TMEM132D: variants seen among roughly 807,000 people sequenced by gnomAD.
The protein encoded by TMEM132D is mature OL transmembrane protein.
TMEM132D carries 21 observed loss-of-function variants against 62.3 expected under a neutral mutation model. The ratio of observed to expected loss-of-function variants is 0.34; its 90% CI spans 0.24 to 0.49. The LOEUF is 0.49. Among genes scored for constraint, TMEM132D ranks in the 20% least tolerant of loss-of-function variants. TMEM132D has a pLI of 0.99. For missense variants in TMEM132D, 1,346 were observed against 1,402.8 expected (o/e 0.96, Z 0.65); for synonymous variants, 621 against 575.6 (o/e 1.08, Z -1.13).
At chr12:129,285,526 C>CAAACAAAAAAAAAA (rs1881268886) in intron 4 of TMEM132D, among the ~76,000 whole-genome samples, 1 of 40,932 alleles carries the variant, frequency 2.4e-5, no homozygotes, top group African/African-American at 7.6e-5. Flanking sequence ...GACTGTGTCT[C>CAAACAAAAAAAAAA]AAAAAAAAAA....
intron 3 of TMEM132D, among the ~76,000 whole-genome samples, chr12:129,483,375 A>C (rs901808493): frequency 1.3e-5 from 2 of 152,182 alleles, no homozygotes; most frequent in Admixed American, 1.3e-4. Flanking sequence ...ACACCTTGCA[A>C]TTTGAAAAAC....
chr12:129,113,954 C>T (rs150920041), intron 5 of TMEM132D, among the ~76,000 whole-genome samples: 1 of 152,148 alleles, frequency 6.6e-6, no homozygotes, highest in Non-Finnish European at 1.5e-5. Context: ...GTAAGGGCTT[C>T]AGCAGGAGGA....
intron 1 of TMEM132D, among the ~76,000 whole-genome samples, chr12:129,869,421 A>G (rs2137375724): frequency 6.6e-6 from 1 of 152,338 alleles, no homozygotes; most frequent in African/African-American, 2.4e-5. Flanking sequence ...CATATAACCT[A>G]TGCACATCTT....
At chr12:129,262,066 T>C (rs867872504) in intron 4 of TMEM132D, among the ~76,000 whole-genome samples, 1 of 152,134 alleles carries the variant, frequency 6.6e-6, no homozygotes, top group Non-Finnish European at 1.5e-5. Flanking sequence ...GTCTTTTTTC[T>C]GGAAACCCCT....
chr12:129,557,888 A>T (rs1359745632), intron 2 of TMEM132D, among the ~76,000 whole-genome samples: 2 of 152,186 alleles, frequency 1.3e-5, no homozygotes, highest in Non-Finnish European at 2.9e-5. Flanking sequence ...AAATATTTTA[A>T]AATACATAAA....
chr12:129,899,288 GATGGATGGATGCATGC>G (rs1566023705), intron 1 of TMEM132D, among the ~76,000 whole-genome samples: 98 of 123,048 alleles, frequency 8.0e-4, no homozygotes, highest in Admixed American at 1.6e-3. Flanking sequence ...TGCATGGATG[GATGGATGGATGCATGC>G]ATGGATGGAT....
intron 5 of TMEM132D, among the ~76,000 whole-genome samples, chr12:129,177,810 GGTTT>G (rs1410870724): frequency 1.3e-5 from 2 of 152,132 alleles, no homozygotes; most frequent in African/African-American, 4.8e-5. Flanking sequence ...AGGATGTGCA[GGTTT>G]GTTACATCGG....
At chr12:129,845,491 C>T (rs549867758) in intron 1 of TMEM132D, among the ~76,000 whole-genome samples, 1 of 152,332 alleles carries the variant, frequency 6.6e-6, no homozygotes. Context: ...CAATACTATA[C>T]TTGCTCTTTC....
chr12:129,150,826 T>C (rs1397205980), intron 5 of TMEM132D, among the ~76,000 whole-genome samples: 1 of 152,230 alleles, frequency 6.6e-6, no homozygotes, highest in East Asian at 1.9e-4. Context: ...GGGTCAGCTG[T>C]GGCCCCGGAC....
At chr12:129,141,019 G>A (rs1222735138) in intron 5 of TMEM132D, among the ~76,000 whole-genome samples, 1 of 152,222 alleles carries the variant, frequency 6.6e-6, no homozygotes, top group African/African-American at 2.4e-5. Flanking sequence ...AATATTAAAG[G>A]CCCTGCATTT....
intron 1 of TMEM132D, among the ~76,000 whole-genome samples, chr12:129,708,188 G>A (rs1050963733): frequency 1.3e-5 from 2 of 152,170 alleles, no homozygotes; most frequent in Admixed American, 1.3e-4. Flanking sequence ...GTGCACTCCA[G>A]CTTGGATGAC....
intron 2 of TMEM132D, among the ~76,000 whole-genome samples, chr12:129,666,598 T>C (rs1291516521): frequency 1.3e-5 from 2 of 152,184 alleles, no homozygotes; most frequent in Non-Finnish European, 1.5e-5. Flanking sequence ...TTACCTACTT[T>C]GGAGCATTAG....
At chr12:129,129,975 T>C (rs1278454664) in intron 5 of TMEM132D, among the ~76,000 whole-genome samples, 1 of 151,484 alleles carries the variant, frequency 6.6e-6, no homozygotes, top group Non-Finnish European at 1.5e-5. Context: ...TTTTCCACGA[T>C]AAAGTACCTG....
intron 1 of TMEM132D, among the ~76,000 whole-genome samples, chr12:129,833,874 C>T (rs983238925): frequency 6.6e-6 from 1 of 152,206 alleles, no homozygotes; most frequent in African/African-American, 2.4e-5. Flanking sequence ...GGCTGTTGTT[C>T]CTAATGCCTA....
intron 4 of TMEM132D, among the ~76,000 whole-genome samples, chr12:129,331,073 G>A (rs1468486441): frequency 1.3e-5 from 2 of 152,188 alleles, no homozygotes; most frequent in Non-Finnish European, 2.9e-5. Context: ...CATGGATCCT[G>A]TCTGAGCACG....
intron 1 of TMEM132D, among the ~76,000 whole-genome samples, chr12:129,829,766 G>A (rs936493801): frequency 7.9e-5 from 12 of 152,112 alleles, no homozygotes; most frequent in Admixed American, 1.3e-4. Context: ...ATAAGGGTAG[G>A]TGATTCTCCA....
intron 1 of TMEM132D, among the ~76,000 whole-genome samples, chr12:129,713,250 C>T (rs534131695): frequency 1.3e-5 from 2 of 152,060 alleles, no homozygotes; most frequent in Non-Finnish European, 2.9e-5. Context: ...GATATGTGCT[C>T]AAGTGTGAGA....
At chr12:129,436,318 T>G (rs1872785711) in intron 3 of TMEM132D, among the ~76,000 whole-genome samples, 1 of 152,226 alleles carries the variant, frequency 6.6e-6, no homozygotes, top group African/African-American at 2.4e-5. Flanking sequence ...GGTTTTCTGA[T>G]ACATGGTGTC....
chr12:129,620,309 T>C (rs1879030779), intron 2 of TMEM132D, among the ~76,000 whole-genome samples: 1 of 152,208 alleles, frequency 6.6e-6, no homozygotes. Context: ...TTCAAAAATA[T>C]GTCAGGCCTG....
Sources: gnomAD v4.1 joint callset for allele counts (sites outside exome capture counted in the v4.1 genomes callset) on GRCh38, gnomAD v4.1.1 for gene constraint, MANE v1.5 for transcripts, NCBI Gene and HGNC (gene_info 2026-07-23, HGNC 2026-07-21) for gene names.